The following NUDT9 variants were observed in gnomAD, a reference collection of about 807,000 sequenced individuals.
The protein encoded by NUDT9 is nudix hydrolase 9.
In NUDT9, 31 loss-of-function variants were observed where a neutral mutation model predicts 41.0. That is an observed-to-expected ratio of 0.76 (90% CI 0.57 to 1.02). The LOEUF is 1.02. NUDT9 is among the 50% of genes least tolerant of loss of function. The probability of loss-of-function intolerance (pLI) is 0.00; values close to 1 mark genes in which losing one functional copy is unlikely to be tolerated. For synonymous variants in NUDT9, 146 were observed against 147.6 expected (o/e 0.99, Z 0.08); for missense variants, 380 against 431.4 (o/e 0.88, Z 1.06).
chr4:87,456,182 C>T (rs2110194621), intron 7 of NUDT9, among the ~76,000 whole-genome samples: 1 of 152,166 alleles, frequency 6.6e-6, no homozygotes, highest in East Asian at 1.9e-4. Flanking sequence ...GCTGTCTTCC[C>T]CTTTTATTAA....
chr4:87,427,724 A>T lies in NUDT9; in HGVS notation c.107+4712A>T, dbSNP rs1211157827. On this transcript the variant is annotated intron_variant, in intron 1 of 7. Transcript: ENST00000302174. ...CGTGGGTGGGATGGAGTGGAACAGC[A>T]TTAGTGTTTCCTGTTTGGTATTTAA... is the stretch of plus-strand genomic sequence containing the variant. Among the ~76,000 whole-genome samples, 3 of 152,172 alleles carry T rather than the reference A, an allele frequency of 2.0e-5. No homozygotes were observed. The East Asian group carries it at 5.8e-4, about 29-fold the overall frequency.
intron 3 of NUDT9, among the ~76,000 whole-genome samples, chr4:87,439,149 G>C (rs1363220170): frequency 6.8e-6 from 1 of 147,196 alleles, no homozygotes; most frequent in African/African-American, 2.5e-5. Flanking sequence ...CTGGGCGACA[G>C]AGCGAGACTC....
chr4:87,422,938 C>T lies in NUDT9; in HGVS notation c.33C>T (p.Ala11=), dbSNP rs1481935778. The part of the protein sequence containing the change: MAGRLLGKAL[A]AVSLSLALAS... ...GACGCCTCCTGGGAAAGGCTTTAGC[C>T]GCGGTGTCTCTCTCTCTGGCCTTGG... The change falls in exon 1 of 8, where the codon GCC becomes GCT. Residue 11 remains alanine (A), a synonymous_variant. Coordinates refer to ENST00000302174, the MANE Select transcript of NUDT9 (RefSeq NM_024047.5). The T allele has an allele frequency of 1.1e-5, 18 of 1,612,406 alleles. No homozygotes were observed. The highest frequency in any genetic ancestry group is 1.4e-5 in the Non-Finnish European group (17 of 1,179,752).
At chr4:87,437,554 G>A (rs1196342635) in intron 2 of NUDT9, among the ~76,000 whole-genome samples, 10 of 151,642 alleles carry the variant, frequency 6.6e-5, no homozygotes, top group Non-Finnish European at 2.9e-5. Context: ...ATGTTAGCCA[G>A]GATGGTCTTG....
chr4:87,451,610 A>G lies in NUDT9; in HGVS notation c.664A>G (p.Lys222Glu). 2 of 1,613,844 alleles carry G rather than the reference A, an allele frequency of 1.2e-6. No homozygotes were observed. The highest frequency in any genetic ancestry group is 1.7e-6 in the Non-Finnish European group (2 of 1,179,888). ...TTAGGGGATGGTGGATCCAGGAGAG[A>G]AGATTAGTGCCACACTGAAAAGAGA... ...IPGGMVDPGE[K>E]ISATLKREFG... The change falls in exon 6 of 8, where the codon AAG becomes GAG. Residue 222 changes from lysine to glutamate, a missense_variant. Coordinates refer to ENST00000302174, the MANE Select transcript of NUDT9 (RefSeq NM_024047.5).
chr4:87,448,052 G>A (rs1202831403), intron 4 of NUDT9, among the ~76,000 whole-genome samples: 1 of 148,422 alleles, frequency 6.7e-6, no homozygotes, highest in East Asian at 2.0e-4. Flanking sequence ...AAAAAAAAAA[G>A]ATTGAGAAGT....
chr4:87,451,029 G>C (rs1389397723), intron 5 of NUDT9, among the ~76,000 whole-genome samples: 1 of 152,178 alleles, frequency 6.6e-6, no homozygotes, highest in Non-Finnish European at 1.5e-5. Flanking sequence ...ACAAAAGCAA[G>C]GTAGAGGACT....
intron 5 of NUDT9, among the ~76,000 whole-genome samples, chr4:87,450,523 C>T (rs60276052): frequency 0.019 from 2,925 of 151,428 alleles, 93 homozygotes; most frequent in African/African-American, 0.064. Flanking sequence ...GGATTATAGG[C>T]GACCACCACC....
At chr4:87,432,345 A>C (rs181048187) in intron 1 of NUDT9, among the ~76,000 whole-genome samples, 26 of 152,360 alleles carry the variant, frequency 1.7e-4, no homozygotes, top group Non-Finnish European at 3.4e-4. Flanking sequence ...GTGACCCATC[A>C]CATGAAGCCA....
chr4:87,427,155 C>G (rs1423413085), intron 1 of NUDT9, among the ~76,000 whole-genome samples: 1 of 148,256 alleles, frequency 6.7e-6, no homozygotes, highest in Non-Finnish European at 1.5e-5. Flanking sequence ...AAAAAAAGTA[C>G]CTGAACTCAG....
intron 4 of NUDT9, among the ~76,000 whole-genome samples, chr4:87,444,101 AT>A (rs1398056371): frequency 1.3e-5 from 2 of 151,904 alleles, no homozygotes; most frequent in African/African-American, 4.8e-5. Flanking sequence ...TTTAATTTTT[AT>A]TTTTTTACTT....
rs547253601 is a variant in NUDT9 at position 87,453,845 on chromosome 4, T to TTTTC, written c.790-510_790-507dup. 3.2e-3 allele frequency among the ~76,000 whole-genome samples: 486 copies of TTTTC among 151,468 alleles called. 3 individuals carry two copies. The highest frequency in any genetic ancestry group is 0.011 in the African/African-American group (468 of 41,246). On this transcript the variant is annotated intron_variant, in intron 6 of 7. Transcript: ENST00000302174. ...TTATGATATTTACATTTCTTTCTTTTTTTCTTTCTTTCTTTCTTTTTTTTT... is the reference window on the plus strand; with the variant it reads ...TTATGATATTTACATTTCTTTCTTTTTTTCTTTCTTTCTTTCTTTCTTTTTTTTT...
chr4:87,426,449 G>A (rs543493419), intron 1 of NUDT9, among the ~76,000 whole-genome samples: 1 of 150,544 alleles, frequency 6.6e-6, no homozygotes, highest in Non-Finnish European at 1.5e-5. Context: ...TCGCACTGTC[G>A]CCCCAGCTGG....
At chr4:87,437,286 AT>A (rs35766329) in intron 2 of NUDT9, among the ~76,000 whole-genome samples, 43,313 of 141,686 alleles carry the variant, frequency 0.31, 7,249 homozygotes, top group Non-Finnish European at 0.38. Context: ...AGAAAAAATA[AT>A]TTTTTTTGTG....
chr4:87,437,777 A>G (rs1722020200), intron 2 of NUDT9, among the ~76,000 whole-genome samples: 1 of 152,156 alleles, frequency 6.6e-6, no homozygotes, highest in Non-Finnish European at 1.5e-5. Flanking sequence ...TTTACATCAT[A>G]TTTATTATGC....
intron 4 of NUDT9, among the ~76,000 whole-genome samples, chr4:87,442,505 A>G (rs1188671495): frequency 2.6e-5 from 4 of 152,206 alleles, no homozygotes; most frequent in Non-Finnish European, 5.9e-5. Flanking sequence ...AAATTTATAA[A>G]AAATATTTTC....
intron 4 of NUDT9, chr4:87,445,256 A>G (rs1198580933): frequency 6.6e-6 from 1 of 152,140 alleles, no homozygotes; most frequent in Non-Finnish European, 1.5e-5. Context: ...GGCTTTAAAT[A>G]CTGTACTTTT....
At chr4:87,424,298 C>T (rs562099134) in intron 1 of NUDT9, among the ~76,000 whole-genome samples, 4 of 134,478 alleles carry the variant, frequency 3.0e-5, no homozygotes, top group South Asian at 4.8e-4. Flanking sequence ...TTCGCTCTGT[C>T]GCCCAGGCTG....
At chr4:87,457,389 A>G (rs1476150824) in intron 7 of NUDT9, among the ~76,000 whole-genome samples, 1 of 151,768 alleles carries the variant, frequency 6.6e-6, no homozygotes, top group Non-Finnish European at 1.5e-5. Flanking sequence ...GGCATGTGCC[A>G]CCACTCCTGG....
Sources: allele counts gnomAD v4.1 joint callset (sites outside exome capture counted in the v4.1 genomes callset), GRCh38; gene constraint gnomAD v4.1.1; transcripts MANE v1.5; gene names NCBI Gene and HGNC (gene_info 2026-07-23, HGNC 2026-07-21).